ITGA4: variants seen among roughly 807,000 people sequenced by gnomAD.
ITGA4 encodes integrin subunit alpha 4, also known as integrin alpha-4.
Under a neutral mutation model 133.6 loss-of-function variants are expected in ITGA4, and 63 were observed. The observed-to-expected ratio is 0.47, with a 90% confidence interval of 0.38 to 0.58. The LOEUF (loss-of-function observed/expected upper bound fraction) is 0.58. Ranked by LOEUF, ITGA4 falls within the 20% of genes least tolerant of loss-of-function variation. The probability of loss-of-function intolerance (pLI) is 0.00; values close to 1 mark genes in which losing one functional copy is unlikely to be tolerated. For missense variants in ITGA4, 1,076 were observed against 1,252.7 expected, an observed-to-expected ratio of 0.86 and a Z score of 2.13; for synonymous variants, 483 against 438.0, an observed-to-expected ratio of 1.10 and a Z score of -1.28.
At chr2:181,520,387 G>A (rs1241189583) in intron 17 of ITGA4, among the ~76,000 whole-genome samples, 3 of 151,992 alleles carry the variant, frequency 2.0e-5, no homozygotes, top group Non-Finnish European at 4.4e-5. Flanking sequence ...AGTGAAGCAG[G>A]GGCCAACTCT....
At chr2:181,517,642 A>C (rs979385592) in intron 17 of ITGA4, among the ~76,000 whole-genome samples, 2 of 152,102 alleles carry the variant, frequency 1.3e-5, no homozygotes, top group African/African-American at 4.8e-5. Flanking sequence ...GGAAGCTGGT[A>C]GGTATCTTTC....
At chr2:181,460,159 AT>A (rs1685233830) in intron 2 of ITGA4, among the ~76,000 whole-genome samples, 1 of 152,248 alleles carries the variant, frequency 6.6e-6, no homozygotes, top group African/African-American at 2.4e-5. Context: ...AGCCAAACTG[AT>A]TTTTAACTTT....
intron 25 of ITGA4, among the ~76,000 whole-genome samples, chr2:181,532,225 C>T (rs1686958875): frequency 6.6e-6 from 1 of 152,114 alleles, no homozygotes; most frequent in Non-Finnish European, 1.5e-5. Flanking sequence ...TTAGGATTGT[C>T]TTGACTATAT....
intron 9 of ITGA4, among the ~76,000 whole-genome samples, chr2:181,484,871 T>A (rs546253683): frequency 3.3e-5 from 5 of 152,280 alleles, no homozygotes; most frequent in Non-Finnish European, 7.4e-5. Context: ...ATTGGAAAAT[T>A]CACAAGTGAA....
In ITGA4 at chr2:181,538,403, A is replaced by AATC. The variant is rs941673561; in HGVS notation, c.*2881_*2883dup. On this transcript the variant is annotated 3_prime_UTR_variant, in exon 28 of 28. Transcript: ENST00000397033. ...GAAAACTGAGAAGGTCTGATTGATA[A>AATC]ATCATCAACAACAATAATTGCTCTA... Among the ~76,000 whole-genome samples, 7 of 152,176 alleles carry AATC rather than the reference A, an allele frequency of 4.6e-5. No individual in the cohort carries two copies. The highest frequency in any genetic ancestry group is 7.4e-5 in the Non-Finnish European group (5 of 68,020).
At position 181,475,029 on chromosome 2, in the gene ITGA4, C is replaced by A. The variant is rs372164526; in HGVS notation, c.389C>A (p.Thr130Lys). ...EERDNQWLGV[T>K]LSRQPGENGS... ...AGAGACAATCAGTGGTTGGGGGTCA[C>A]ACTTTCCAGACAGCCAGGAGAAAAT... The change falls in exon 3 of 28, where the codon ACA (threonine) becomes AAA (lysine). Residue 130 changes from threonine to lysine, a missense_variant. By Grantham distance (78) the Thr-to-Lys change is moderately conservative. Transcript: ENST00000397033. The A allele has an allele frequency of 6.2e-7, 1 of 1,613,922 alleles. No homozygotes were observed. Among genetic ancestry groups the A allele is most frequent in the Non-Finnish European group, 8.5e-7 (1 of 1,179,954 alleles).
At chr2:181,522,916 T>C (rs1686750003) in intron 18 of ITGA4, among the ~76,000 whole-genome samples, 1 of 152,174 alleles carries the variant, frequency 6.6e-6, no homozygotes, top group Non-Finnish European at 1.5e-5. Flanking sequence ...TTATACTTAT[T>C]GCAATTATAA....
intron 17 of ITGA4, among the ~76,000 whole-genome samples, chr2:181,518,879 C>CATAG (rs1686664006): frequency 6.6e-6 from 1 of 151,960 alleles, no homozygotes; most frequent in African/African-American, 2.4e-5. Flanking sequence ...GTCAATATAA[C>CATAG]TTAGGCTGGT....
chr2:181,490,484 CGTGTGTGT>C (rs35723610), intron 10 of ITGA4, among the ~76,000 whole-genome samples: 13,875 of 137,504 alleles, frequency 0.1, 850 homozygotes, highest in East Asian at 0.16. Context: ...GAATAGTATT[CGTGTGTGT>C]GTGTGTGTGT....
intron 2 of ITGA4, among the ~76,000 whole-genome samples, chr2:181,469,630 G>A (rs538050720): frequency 2.6e-5 from 4 of 152,152 alleles, no homozygotes; most frequent in East Asian, 1.9e-4. Flanking sequence ...TGTTTATTGC[G>A]GCACTATTCT....
intron 19 of ITGA4, 136 bp from the exon 20 acceptor site, chr2:181,524,035 G>C: frequency 3.3e-6 from 2 of 606,956 alleles, no homozygotes; most frequent in Non-Finnish European, 5.7e-6. Context: ...TTATTGCCAA[G>C]GGAGGAGTAG....
In ITGA4 at chr2:181,481,586, C is replaced by A. The variant is rs753463904; in HGVS notation, c.755-12C>A. The A allele has an allele frequency of 1.9e-6, 3 of 1,538,532 alleles. No homozygotes were observed. Among genetic ancestry groups the A allele is most frequent in the Non-Finnish European group, 2.7e-6 (3 of 1,117,938 alleles). On this transcript the variant is annotated splice_polypyrimidine_tract_variant and intron_variant, in intron 6 of 27. Coordinates refer to ENST00000397033, the MANE Select transcript of ITGA4 (RefSeq NM_000885.6). ...TACCCAGGACTCTCATACTTTCTCC[C>A]TTTTCTTAAAGGATATTCAGTCGGA... is the stretch of plus-strand genomic sequence containing the variant.
Position 181,538,276 on chromosome 2 carries a change from AT to A in ITGA4, c.*2753del. The A allele has an allele frequency of 1.4e-6, 2 of 1,396,764 alleles. No individual in the cohort carries two copies. Among genetic ancestry groups the A allele is most frequent in the South Asian group, 2.3e-5 (2 of 85,996 alleles). The allele number at this position is 1,396,764 out of a possible 1,614,324, so 86.5% of individuals were successfully genotyped here. On this transcript the variant is annotated 3_prime_UTR_variant, in exon 28 of 28. Coordinates refer to ENST00000397033, the MANE Select transcript of ITGA4 (RefSeq NM_000885.6). ...AGAAAATACATTATTTCATCAACTT[AT>A]TTTGTTGTTTTTCACATACACCTAA...
intron 2 of ITGA4, among the ~76,000 whole-genome samples, chr2:181,468,826 T>C: frequency 6.6e-6 from 1 of 152,330 alleles, no homozygotes; most frequent in East Asian, 1.9e-4. Context: ...TGGTTTTTAA[T>C]GTGGCTTTGT....
At chr2:181,532,340 T>C (rs1686961875) in intron 25 of ITGA4, among the ~76,000 whole-genome samples, 4 of 152,212 alleles carry the variant, frequency 2.6e-5, no homozygotes, top group Admixed American at 2.6e-4. Context: ...GTAAATTACT[T>C]TGGGCAGTAT....
intron 2 of ITGA4, 172 bp downstream of exon 2, chr2:181,458,489 C>T (rs1029844303): frequency 8.6e-6 from 6 of 694,776 alleles, no homozygotes; most frequent in East Asian, 8.2e-5. Flanking sequence ...AAGGGATTCC[C>T]TTTCTGTTAA....
At chr2:181,498,831 G>C in intron 15 of ITGA4, 54 bp downstream of exon 15, 1 of 1,523,510 alleles carries the variant, frequency 6.6e-7, no homozygotes, top group Non-Finnish European at 8.8e-7. Flanking sequence ...GTTGTTGATA[G>C]AGAGCAACTT....
At chr2:181,497,067 A>G (rs1051825567) in intron 14 of ITGA4, among the ~76,000 whole-genome samples, 1 of 152,212 alleles carries the variant, frequency 6.6e-6, no homozygotes, top group African/African-American at 2.4e-5. Context: ...GAGGGTGGAC[A>G]AGCCTTCATC....
At chr2:181,498,032 T>A (rs904014081) in intron 14 of ITGA4, among the ~76,000 whole-genome samples, 1 of 151,914 alleles carries the variant, frequency 6.6e-6, no homozygotes, top group African/African-American at 2.4e-5. Context: ...TAGAAACCAA[T>A]AACACACAGA....
Sources: allele counts gnomAD v4.1 joint callset (sites outside exome capture counted in the v4.1 genomes callset), GRCh38; gene constraint gnomAD v4.1.1; transcripts MANE v1.5; gene names NCBI Gene and HGNC (gene_info 2026-07-23, HGNC 2026-07-21).